The following INPP4B variants were observed in gnomAD, a reference collection of about 807,000 sequenced individuals.
INPP4B encodes the protein inositol polyphosphate-4-phosphatase type II B.
In INPP4B, 55 loss-of-function variants were observed where a neutral mutation model predicts 122.5. The observed-to-expected ratio is 0.45, with a 90% CI of 0.36 to 0.56. The LOEUF (loss-of-function observed/expected upper bound fraction) is 0.56, where lower values mean the gene tolerates loss of function less well. Ranked by LOEUF, INPP4B falls within the 20% of genes least tolerant of loss-of-function variation. INPP4B has a pLI of 0.00. For missense variants in INPP4B, 1,000 were observed against 1,097.7 expected, an observed-to-expected ratio of 0.91 and a Z score of 1.26; for synonymous variants, 403 against 388.7, an observed-to-expected ratio of 1.04 and a Z score of -0.43.
chr4:142,745,607 G>A (rs191007471), intron 1 of INPP4B, among the ~76,000 whole-genome samples: 12 of 151,850 alleles, frequency 7.9e-5, no homozygotes, highest in Admixed American at 2.0e-4. Context: ...TACTCTATAC[G>A]GGAGACTTTA....
chr4:142,387,290 T>C (rs1796260378), intron 7 of INPP4B, among the ~76,000 whole-genome samples: 1 of 152,072 alleles, frequency 6.6e-6, no homozygotes, highest in Non-Finnish European at 1.5e-5. Context: ...GGCTAAGTCA[T>C]CAAGGGAACC....
chr4:142,462,547 A>G (rs1234130584), intron 3 of INPP4B, 116 bp downstream of exon 3: 16 of 152,220 alleles, frequency 1.1e-4, no homozygotes, highest in Non-Finnish European at 1.5e-5. Context: ...AGTCACACAT[A>G]TGCTAAAACA....
At chr4:142,808,351 G>A (rs1202295066) in intron 1 of INPP4B, among the ~76,000 whole-genome samples, 2 of 152,066 alleles carry the variant, frequency 1.3e-5, no homozygotes, top group Non-Finnish European at 2.9e-5. Flanking sequence ...ATTGAAAGCC[G>A]GATGAAGATA....
intron 1 of INPP4B, among the ~76,000 whole-genome samples, chr4:142,736,507 C>T (rs1288546520): frequency 2.6e-5 from 4 of 152,072 alleles, no homozygotes. Flanking sequence ...TTGAAGAGGT[C>T]CTTCACATCC....
At chr4:142,553,947 T>A (rs112756759) in intron 2 of INPP4B, among the ~76,000 whole-genome samples, 8,377 of 152,046 alleles carry the variant, frequency 0.055, 282 homozygotes, top group Admixed American at 0.062. Flanking sequence ...TCCCAGCACT[T>A]TGGGAGGCCG....
At chr4:142,791,026 A>G (rs1481516541) in intron 1 of INPP4B, among the ~76,000 whole-genome samples, 2 of 152,176 alleles carry the variant, frequency 1.3e-5, no homozygotes, top group Non-Finnish European at 2.9e-5. Flanking sequence ...CCTAGCATCT[A>G]TATAAAACAT....
At chr4:142,429,960 C>A (rs35648617) in intron 4 of INPP4B, among the ~76,000 whole-genome samples, 2 of 151,902 alleles carry the variant, frequency 1.3e-5, no homozygotes, top group African/African-American at 4.8e-5. Flanking sequence ...GATGTATGAA[C>A]GGGAGGCCAT....
At chr4:142,422,796 C>T (rs563613972) in intron 5 of INPP4B, among the ~76,000 whole-genome samples, 23 of 151,808 alleles carry the variant, frequency 1.5e-4, no homozygotes, top group African/African-American at 4.3e-4. Flanking sequence ...TCTGGGTGAC[C>T]GAGTGAAACC....
At chr4:142,249,353 T>C (rs1730766201) in intron 11 of INPP4B, among the ~76,000 whole-genome samples, 1 of 152,120 alleles carries the variant, frequency 6.6e-6, no homozygotes. Flanking sequence ...CTCTGTAGAA[T>C]TATATAATAA....
chr4:142,221,201 C>T (rs944496684), intron 12 of INPP4B, among the ~76,000 whole-genome samples: 4 of 151,876 alleles, frequency 2.6e-5, no homozygotes, highest in African/African-American at 9.7e-5. Flanking sequence ...AGATCGAGAC[C>T]ATGCTGGCTA....
At chr4:142,489,734 T>C (rs1821628987) in intron 2 of INPP4B, among the ~76,000 whole-genome samples, 1 of 152,126 alleles carries the variant, frequency 6.6e-6, no homozygotes, top group Non-Finnish European at 1.5e-5. Context: ...ATCCTACCAA[T>C]TTCTGAGAGT....
At chr4:142,571,089 C>CAA (rs374253787) in intron 2 of INPP4B, among the ~76,000 whole-genome samples, 2,852 of 84,150 alleles carry the variant, frequency 0.034, 108 homozygotes, top group African/African-American at 0.099. Context: ...TCATGTTTCT[C>CAA]AAAAAAAAAA....
At chr4:142,401,372 C>T (rs1209565750) in intron 7 of INPP4B, among the ~76,000 whole-genome samples, 1 of 152,058 alleles carries the variant, frequency 6.6e-6, no homozygotes. Flanking sequence ...CCTCAAAAAC[C>T]AAAGAAGTTG....
intron 17 of INPP4B, among the ~76,000 whole-genome samples, chr4:142,152,899 T>C (rs924304581): frequency 6.6e-6 from 1 of 152,234 alleles, no homozygotes; most frequent in Non-Finnish European, 1.5e-5. Context: ...TAAGTGCCTA[T>C]ACCACTGTTG....
At position 142,589,625 on chromosome 4, in the gene INPP4B, C is replaced by A. The variant is rs796667975; in HGVS notation, c.-190-126899G>T. 2.6e-5 allele frequency among the ~76,000 whole-genome samples: 4 copies of A among 152,048 alleles called. No homozygotes were observed. In the South Asian group the frequency reaches 8.3e-4, roughly 31 times the overall value. ...CTAAAATCCAAGAAGACTGACAATA[C>A]CAATTCCTAGTAAGGATGCAGATCA... On this transcript the variant is annotated intron_variant, in intron 2 of 25. Coordinates refer to ENST00000262992, the MANE Select transcript of INPP4B (RefSeq NM_001101669.3).
chr4:142,342,026 G>A (rs1273855981), intron 7 of INPP4B, among the ~76,000 whole-genome samples: 1 of 152,170 alleles, frequency 6.6e-6, no homozygotes, highest in Non-Finnish European at 1.5e-5. Context: ...GCCCAGAGAA[G>A]CTGTGAGGTA....
chr4:142,681,168 A>G (rs911038020), intron 2 of INPP4B, among the ~76,000 whole-genome samples: 5 of 151,798 alleles, frequency 3.3e-5, no homozygotes, highest in Non-Finnish European at 7.4e-5. Flanking sequence ...TTTACTCAGT[A>G]TATATTCTTA....
chr4:142,201,992 T>C (rs1840806566), intron 14 of INPP4B, among the ~76,000 whole-genome samples: 1 of 152,056 alleles, frequency 6.6e-6, no homozygotes, highest in Admixed American at 6.6e-5. Context: ...TGGGAATATC[T>C]TATAGAAAAT....
intron 2 of INPP4B, among the ~76,000 whole-genome samples, chr4:142,474,010 T>C (rs931904717): frequency 6.6e-6 from 1 of 152,184 alleles, no homozygotes; most frequent in Non-Finnish European, 1.5e-5. Flanking sequence ...TAGCTTCCTG[T>C]TGTCCCAGGA....
Sources: allele counts gnomAD v4.1 joint callset (sites outside exome capture counted in the v4.1 genomes callset), GRCh38; gene constraint gnomAD v4.1.1; transcripts MANE v1.5; gene names NCBI Gene and HGNC (gene_info 2026-07-23, HGNC 2026-07-21).